The following ZNF790 variants were observed in gnomAD, a reference collection of about 807,000 sequenced individuals.
The protein encoded by ZNF790 is zinc finger protein 790.
ZNF790 carries 8 observed loss-of-function variants against 12.1 expected under a neutral mutation model. The observed-to-expected ratio is 0.66, with a 90% confidence interval of 0.39 to 1.19. ZNF790 has a LOEUF of 1.19. Ranked by LOEUF, ZNF790 falls within the 50% of genes most tolerant of loss-of-function variation. The pLI is 0.01. For synonymous variants in ZNF790, 252 were observed against 244.3 expected (o/e 1.03, Z -0.29); for missense variants, 707 against 752.2 (o/e 0.94, Z 0.70).
At position 36,824,460 on chromosome 19, in the gene ZNF790, C is replaced by T. The variant is rs534714000; in HGVS notation, c.10-670G>A. Among the ~76,000 whole-genome samples the T allele has an allele frequency of 9.2e-5, 14 of 152,156 alleles. No homozygotes were observed. In the East Asian group the frequency reaches 2.7e-3, roughly 29 times the overall value. On this transcript the variant is annotated intron_variant, in intron 2 of 4. Transcript: ENST00000356725. ...CAGCTGGGGTTACGTGTGTGCACCA[C>T]TGCGCCTGGCTAATTTTTTGTATTT...
upstream of ZNF790, among the ~76,000 whole-genome samples, chr19:36,841,199 A>G (rs1366243584): frequency 1.3e-5 from 2 of 152,218 alleles, no homozygotes; most frequent in Admixed American, 6.5e-5. Flanking sequence ...AAGCTGCTAA[A>G]TACACTACAA....
Position 36,825,678 on chromosome 19 carries a change from G to T in ZNF790, c.-59C>A, listed in dbSNP as rs1208824120. Reference sequence around the variant, plus strand: ...GGATTCTTTCTTGGTGAGGCAGCGTGCTGGGAAAGCAGAGCTAGAAGGAAA... The same window carrying T: ...GGATTCTTTCTTGGTGAGGCAGCGTTCTGGGAAAGCAGAGCTAGAAGGAAA... On this transcript the variant is annotated 5_prime_UTR_variant, in exon 2 of 5. Transcript: ENST00000356725. 2 of 1,585,776 alleles carry T rather than the reference G, an allele frequency of 1.3e-6. No individual in the cohort carries two copies. Among genetic ancestry groups the T allele is most frequent in the South Asian group, 2.2e-5 (2 of 90,516 alleles).
In ZNF790 at chr19:36,838,204, A is replaced by G. The variant is rs2072090996; in HGVS notation, c.-74+133T>C. 1 of 152,654 alleles carries G rather than the reference A, an allele frequency of 6.6e-6. No individual in the cohort carries two copies. The highest frequency in any genetic ancestry group is 6.6e-5 in the Admixed American group (1 of 15,250). 9.5% of individuals were successfully genotyped at this position (152,654 alleles called of 1,614,324 possible). ...TTTCACTCTCGCATCCACTGCTCCC[A>G]TCGCGATCGCTCGCCCCCACGCTCC... On this transcript the variant is annotated intron_variant, in intron 1 of 4. Transcript: ENST00000356725. This position sits in a 1 kb window ranked among gnomAD's most constrained non-coding sequence, Gnocchi z 4.4.
chr19:36,827,141 C>CACATATATATATATATATATATAT (rs1313807327), intron 1 of ZNF790, among the ~76,000 whole-genome samples: 1 of 84,438 alleles, frequency 1.2e-5, no homozygotes, highest in Middle Eastern at 5.7e-3. Flanking sequence ...CACACACACA[C>CACATATATATATATATATATATAT]ATATATATAT....
At chr19:36,845,495 A>G (rs1338617830) in intron 1 of ZNF790, among the ~76,000 whole-genome samples, 5 of 152,184 alleles carry the variant, frequency 3.3e-5, no homozygotes, top group Non-Finnish European at 7.3e-5. Flanking sequence ...TGCACAAAGT[A>G]ATATACTGCC....
intron 2 of ZNF790, among the ~76,000 whole-genome samples, chr19:36,824,089 C>T (rs1229981034): frequency 3.3e-5 from 5 of 150,874 alleles, no homozygotes; most frequent in East Asian, 2.0e-4. Context: ...CTCCGCCTCC[C>T]GGGTTCACGC....
At chr19:36,827,285 G>C (rs2071845930) in intron 1 of ZNF790, among the ~76,000 whole-genome samples, 1 of 151,346 alleles carries the variant, frequency 6.6e-6, no homozygotes, top group Non-Finnish European at 1.5e-5. Flanking sequence ...CACCAGACCG[G>C]GAAGCAACAG....
At chr19:36,826,786 C>T (rs908657525) in intron 1 of ZNF790, among the ~76,000 whole-genome samples, 1 of 150,724 alleles carries the variant, frequency 6.6e-6, no homozygotes. Context: ...TAAAGGTAAT[C>T]ATGGTTATGA....
chr19:36,834,920 A>G (rs555831129), intron 1 of ZNF790, among the ~76,000 whole-genome samples: 1 of 152,326 alleles, frequency 6.6e-6, no homozygotes, highest in South Asian at 2.1e-4. Flanking sequence ...TTCATAATAA[A>G]CATATAACAA....
chr19:36,837,569 C>T (rs1207792076), intron 1 of ZNF790: 3 of 152,170 alleles, frequency 2.0e-5, no homozygotes, highest in African/African-American at 7.2e-5. Context: ...TATCTGAAAT[C>T]TTCAGCTCAT....
At chr19:36,826,047 G>A (rs2071789928) in intron 1 of ZNF790, among the ~76,000 whole-genome samples, 1 of 152,160 alleles carries the variant, frequency 6.6e-6, no homozygotes, top group Non-Finnish European at 1.5e-5. Flanking sequence ...AATATCATAG[G>A]TTTGCTGAAT....
intron 1 of ZNF790, among the ~76,000 whole-genome samples, chr19:36,831,393 AAG>A (rs1260290756): frequency 2.6e-5 from 4 of 152,138 alleles, no homozygotes; most frequent in Non-Finnish European, 5.9e-5. Flanking sequence ...TCAAGACTGA[AAG>A]AGAAAATAGG....
chr19:36,845,747 GA>G (rs1357577694), intron 1 of ZNF790, among the ~76,000 whole-genome samples: 3 of 150,376 alleles, frequency 2.0e-5, no homozygotes, highest in Admixed American at 2.0e-4. Context: ...TGGCTTTGCA[GA>G]AAATGACAGT....
Position 36,836,445 on chromosome 19 carries a change from A to T in ZNF790, c.-74+1892T>A, listed in dbSNP as rs75107576. 5.3e-3 allele frequency among the ~76,000 whole-genome samples: 799 copies of T among 152,004 alleles called. 22 individuals carry two copies. Among genetic ancestry groups the T allele is most frequent in the Admixed American group, 0.038 (587 of 15,262 alleles). ...GTGGGCCGCAACCAAATGCAGCAAG[A>T]CAAGCCTAAAAAAAAAACACACACA... On this transcript the variant is annotated intron_variant, in intron 1 of 4. Coordinates refer to ENST00000356725, the MANE Select transcript of ZNF790 (RefSeq NM_206894.4).
chr19:36,835,373 T>C (rs1438153104), intron 1 of ZNF790, among the ~76,000 whole-genome samples: 3 of 152,228 alleles, frequency 2.0e-5, no homozygotes, highest in African/African-American at 4.8e-5. Context: ...AAGTATAGAC[T>C]GACCAGATGT....
At chr19:36,847,728 C>T (rs546053564) in intron 1 of ZNF790, among the ~76,000 whole-genome samples, 10 of 140,708 alleles carry the variant, frequency 7.1e-5, no homozygotes, top group South Asian at 2.3e-4. Context: ...CCAGCCTGGG[C>T]GACAAAGAGA....
At position 36,823,352 on chromosome 19, in the gene ZNF790, G is replaced by A. The variant is rs140609486; in HGVS notation, c.162C>T (p.Phe54=). ...GCTCTTTCCCTTTCTCCAATAAAGA[G>A]AACGCTTCTGGCTGATAAATGCAAA... ...LGFCIYQPEA[F]SLLEKGKEPW... The change falls in exon 4 of 5, where the codon TTC becomes TTT. Residue 54 remains phenylalanine, a synonymous_variant. Transcript: ENST00000356725. 13,117 of 1,613,982 alleles carry A rather than the reference G, an allele frequency of 8.1e-3. 99 individuals carry two copies. Among genetic ancestry groups the A allele is most frequent in the Middle Eastern group, 0.018 (112 of 6,062 alleles).
intron 1 of ZNF790, among the ~76,000 whole-genome samples, chr19:36,830,716 A>G (rs1203092038): frequency 6.6e-6 from 1 of 152,214 alleles, no homozygotes; most frequent in Admixed American, 6.5e-5. Flanking sequence ...CCCTTGAGCA[A>G]AAAAACCTTA....
At chr19:36,827,318 C>G (rs1258807484) in intron 1 of ZNF790, among the ~76,000 whole-genome samples, 2 of 151,728 alleles carry the variant, frequency 1.3e-5, no homozygotes, top group South Asian at 2.1e-4. Flanking sequence ...AGTCGGCCAC[C>G]CATCCGTGCA....
Sources: allele counts gnomAD v4.1 joint callset (sites outside exome capture counted in the v4.1 genomes callset), GRCh38; gene constraint gnomAD v4.1.1; non-coding constraint Gnocchi (gnomAD v3.1); transcripts MANE v1.5; gene names NCBI Gene and HGNC (gene_info 2026-07-23, HGNC 2026-07-21).